The following SLC35D4 variants were observed in gnomAD, a reference collection of about 807,000 sequenced individuals.
SLC35D4 encodes the protein solute carrier family 35 member D4, also known as UDP-N-acetylglucosamine transporter SLC35D4.
At chr18:23,319,080 G>A in the SLC35D4 span, among the ~76,000 whole-genome samples, 3 of 151,894 alleles carry the variant, frequency 2.0e-5, no homozygotes, top group Non-Finnish European at 2.9e-5. Context: ...CTGACCTCAA[G>A]TGATCCACCC....
the SLC35D4 span, among the ~76,000 whole-genome samples, chr18:23,246,644 G>C: frequency 6.6e-6 from 1 of 151,552 alleles, no homozygotes; most frequent in Non-Finnish European, 1.5e-5. Flanking sequence ...GCCCACCTTG[G>C]CCTCCCAAAG....
the SLC35D4 span, among the ~76,000 whole-genome samples, chr18:23,242,698 G>T: frequency 6.0e-5 from 9 of 150,200 alleles, no homozygotes; most frequent in African/African-American, 2.2e-4. Flanking sequence ...ACATCAAAAA[G>T]AAAACCGACT....
At chr18:23,417,000 G>A in the SLC35D4 span, among the ~76,000 whole-genome samples, 1 of 152,158 alleles carries the variant, frequency 6.6e-6, no homozygotes, top group African/African-American at 2.4e-5. Context: ...CCAGCACTTT[G>A]GGAGGCTGAG....
At chr18:23,306,178 C>CT in the SLC35D4 span, among the ~76,000 whole-genome samples, 1 of 151,256 alleles carries the variant, frequency 6.6e-6, no homozygotes, top group South Asian at 2.1e-4. Flanking sequence ...TGGTCCTTGA[C>CT]TTAAGCAAGT....
chr18:23,250,429 G>A, the SLC35D4 span, among the ~76,000 whole-genome samples: 7 of 152,192 alleles, frequency 4.6e-5, no homozygotes, highest in East Asian at 9.6e-4. Context: ...AGCTTGAGGC[G>A]AGCATGTTAG....
At chr18:23,249,009 C>T in the SLC35D4 span, among the ~76,000 whole-genome samples, 27 of 152,306 alleles carry the variant, frequency 1.8e-4, no homozygotes, top group Admixed American at 8.5e-4. Flanking sequence ...GGGAAACTGG[C>T]GCTGGCACTG....
the SLC35D4 span, among the ~76,000 whole-genome samples, chr18:23,336,779 G>A: frequency 1.3e-5 from 2 of 152,142 alleles, no homozygotes; most frequent in Non-Finnish European, 1.5e-5. Flanking sequence ...TGTGATTACC[G>A]TTCACCATCC....
chr18:23,381,223 G>A, the SLC35D4 span, among the ~76,000 whole-genome samples: 1 of 152,200 alleles, frequency 6.6e-6, no homozygotes, highest in Non-Finnish European at 1.5e-5. Context: ...AGGGATTCCT[G>A]ACAAACTGTT....
At chr18:23,243,343 C>T in the SLC35D4 span, among the ~76,000 whole-genome samples, 4 of 152,074 alleles carry the variant, frequency 2.6e-5, no homozygotes, top group East Asian at 1.9e-4. Flanking sequence ...CGCCCTCAGG[C>T]GCACAGGCCT....
chr18:23,434,416 C>T, the SLC35D4 span, among the ~76,000 whole-genome samples: 1,494 of 152,256 alleles, frequency 9.8e-3, 21 homozygotes, highest in African/African-American at 0.035. Flanking sequence ...ATTATATATT[C>T]CTGGGACCAA....
the SLC35D4 span, among the ~76,000 whole-genome samples, chr18:23,350,374 T>A: frequency 6.6e-6 from 1 of 152,232 alleles, no homozygotes; most frequent in Non-Finnish European, 1.5e-5. Context: ...GGCTTCTCCC[T>A]GCTCCTGACT....
chr18:23,394,499 T>C, the SLC35D4 span, among the ~76,000 whole-genome samples: 20 of 152,342 alleles, frequency 1.3e-4, no homozygotes, highest in African/African-American at 4.8e-4. Flanking sequence ...CCTCCCTTTC[T>C]GGGGGTTGCC....
At chr18:23,245,571 G>A in the SLC35D4 span, among the ~76,000 whole-genome samples, 1 of 151,456 alleles carries the variant, frequency 6.6e-6, no homozygotes, top group East Asian at 1.9e-4. Context: ...CTTTTCATCT[G>A]GATAACTAAG....
At chr18:23,245,879 G>A in the SLC35D4 span, among the ~76,000 whole-genome samples, 15 of 152,376 alleles carry the variant, frequency 9.8e-5, no homozygotes, top group African/African-American at 3.6e-4. Flanking sequence ...TGCAGGGTTA[G>A]AACCCCCCAT....
chr18:23,387,709 T>C, the SLC35D4 span, among the ~76,000 whole-genome samples: 1 of 152,236 alleles, frequency 6.6e-6, no homozygotes, highest in African/African-American at 2.4e-5. Context: ...TCTGAGTTCT[T>C]GCCTTACATT....
chr18:23,353,939 C>A, the SLC35D4 span, among the ~76,000 whole-genome samples: 1 of 152,160 alleles, frequency 6.6e-6, no homozygotes, highest in South Asian at 2.1e-4. Flanking sequence ...ATTACCTATC[C>A]CCAAAGTCTC....
At chr18:23,246,343 T>A in the SLC35D4 span, among the ~76,000 whole-genome samples, 1 of 151,756 alleles carries the variant, frequency 6.6e-6, no homozygotes, top group African/African-American at 2.4e-5. Context: ...ATTAGCACTT[T>A]GATTTACAGT....
the SLC35D4 span, among the ~76,000 whole-genome samples, chr18:23,350,701 C>T: frequency 2.6e-5 from 4 of 151,988 alleles, no homozygotes; most frequent in South Asian, 4.2e-4. Context: ...ACTGGCCTTT[C>T]GTGTTCATGC....
At chr18:23,314,673 A>C in the SLC35D4 span, among the ~76,000 whole-genome samples, 1 of 152,246 alleles carries the variant, frequency 6.6e-6, no homozygotes, top group African/African-American at 2.4e-5. Flanking sequence ...CCTAAGAAAT[A>C]GTCATCACCT....
Sources: allele counts gnomAD v4.1 joint callset (sites outside exome capture counted in the v4.1 genomes callset), GRCh38; gene constraint gnomAD v4.1.1; transcripts MANE v1.5; gene names NCBI Gene and HGNC (gene_info 2026-07-23, HGNC 2026-07-21).